Variants in NLGN1 observed in about 807,000 individuals in gnomAD.
The protein encoded by NLGN1 is neuroligin-1.
Under a neutral mutation model 65.5 loss-of-function variants are expected in NLGN1, and 12 were observed. The observed-to-expected ratio is 0.18, with a 90% CI of 0.12 to 0.30. The LOEUF is 0.30. Ranked by LOEUF, NLGN1 falls within the 10% of genes least tolerant of loss-of-function variation. NLGN1 has a pLI of 1.00. For missense variants in NLGN1, 750 were observed against 1,007.1 expected (o/e 0.74, Z 3.46); for synonymous variants, 350 against 359.5 (o/e 0.97, Z 0.30).
At chr3:174,078,585 G>A (rs767537470) in intron 4 of NLGN1, among the ~76,000 whole-genome samples, 1 of 152,020 alleles carries the variant, frequency 6.6e-6, no homozygotes, top group Non-Finnish European at 1.5e-5. Flanking sequence ...ACTCTTTGGG[G>A]TCACAAAGAC....
chr3:174,201,223 A>G (rs1236897331), intron 4 of NLGN1, among the ~76,000 whole-genome samples: 5 of 151,174 alleles, frequency 3.3e-5, no homozygotes, highest in Non-Finnish European at 7.4e-5. Flanking sequence ...AGCCTGAGCT[A>G]CAGAGTAAAA....
intron 4 of NLGN1, among the ~76,000 whole-genome samples, chr3:173,940,553 C>T (rs1027180515): frequency 3.3e-5 from 5 of 152,076 alleles, no homozygotes; most frequent in East Asian, 1.9e-4. Context: ...ATGTGTCATT[C>T]GGAAAAACTG....
intron 4 of NLGN1, among the ~76,000 whole-genome samples, chr3:173,885,787 T>G (rs779686721): frequency 1.6e-4 from 25 of 152,080 alleles, no homozygotes; most frequent in Non-Finnish European, 3.2e-4. Context: ...TATAAAAAAT[T>G]GAGACATCAT....
At chr3:174,180,419 A>G (rs896242856) in intron 4 of NLGN1, among the ~76,000 whole-genome samples, 6 of 152,178 alleles carry the variant, frequency 3.9e-5, no homozygotes, top group Non-Finnish European at 5.9e-5. Context: ...TTTGTTTTTG[A>G]GCTGTTTCTA....
intron 4 of NLGN1, among the ~76,000 whole-genome samples, chr3:173,935,434 G>T (rs1231184718): frequency 6.6e-6 from 1 of 151,814 alleles, no homozygotes; most frequent in Non-Finnish European, 1.5e-5. Flanking sequence ...TGAAAATATG[G>T]ACTTTTTTTT....
intron 4 of NLGN1, among the ~76,000 whole-genome samples, chr3:173,968,939 G>T (rs1474776444): frequency 6.6e-6 from 1 of 151,260 alleles, no homozygotes; most frequent in Non-Finnish European, 1.5e-5. Flanking sequence ...GACCTCAAAT[G>T]ATCCGCCCAC....
At chr3:173,795,707 G>C (rs917546006) in intron 3 of NLGN1, among the ~76,000 whole-genome samples, 4 of 151,898 alleles carry the variant, frequency 2.6e-5, no homozygotes, top group Admixed American at 2.6e-4. Flanking sequence ...ATTGAATTCT[G>C]GCATTGTTCT....
At chr3:173,776,772 A>G (rs918319554) in intron 3 of NLGN1, among the ~76,000 whole-genome samples, 1 of 152,008 alleles carries the variant, frequency 6.6e-6, no homozygotes, top group Non-Finnish European at 1.5e-5. Flanking sequence ...GTTAAACTAG[A>G]TGGAGATACC....
chr3:174,064,325 C>T (rs1163236627), intron 4 of NLGN1, among the ~76,000 whole-genome samples: 1 of 151,948 alleles, frequency 6.6e-6, no homozygotes, highest in Non-Finnish European at 1.5e-5. Flanking sequence ...TGAACAGGAA[C>T]TTGACAGGTG....
intron 4 of NLGN1, among the ~76,000 whole-genome samples, chr3:173,903,633 T>G (rs965362493): frequency 1.3e-5 from 2 of 152,136 alleles, no homozygotes; most frequent in African/African-American, 4.8e-5. Flanking sequence ...AGGCCAGGCC[T>G]ACATATCAAG....
At chr3:173,666,932 T>G (rs1577841439) in intron 3 of NLGN1, among the ~76,000 whole-genome samples, 1 of 152,218 alleles carries the variant, frequency 6.6e-6, no homozygotes, top group South Asian at 2.1e-4. Context: ...GTTAACATTT[T>G]ATTGTATATT....
At chr3:174,223,000 CTAATT>C (rs1738945038) in intron 4 of NLGN1, among the ~76,000 whole-genome samples, 1 of 152,062 alleles carries the variant, frequency 6.6e-6, no homozygotes, top group South Asian at 2.1e-4. Flanking sequence ...CTCACTTTAT[CTAATT>C]TATTTCCCTA....
At chr3:174,288,216 A>G (rs1752347541), downstream of NLGN1, among the ~76,000 whole-genome samples, 1 of 151,612 alleles carries the variant, frequency 6.6e-6, no homozygotes, top group African/African-American at 2.4e-5. Flanking sequence ...CTATTGAGCC[A>G]GTTCACCAGT....
chr3:173,602,069 T>TA (rs772728793), intron 2 of NLGN1, among the ~76,000 whole-genome samples: 5 of 152,170 alleles, frequency 3.3e-5, no homozygotes, highest in African/African-American at 1.2e-4. Flanking sequence ...GATCTGCTAC[T>TA]AATTAGCTAA....
At chr3:173,396,427 C>A (rs1256246433), upstream of NLGN1, 1 of 152,080 alleles carries the variant, frequency 6.6e-6, no homozygotes, top group Non-Finnish European at 1.5e-5. Context: ...ATGCAGGAAA[C>A]GTATATATGT....
chr3:173,553,333 G>A (rs1345903187), intron 2 of NLGN1, among the ~76,000 whole-genome samples: 1 of 152,122 alleles, frequency 6.6e-6, no homozygotes, highest in Non-Finnish European at 1.5e-5. Flanking sequence ...TATATGAAGG[G>A]TTGTCCACTA....
chr3:173,524,399 C>T (rs1735287939), intron 2 of NLGN1, among the ~76,000 whole-genome samples: 1 of 152,116 alleles, frequency 6.6e-6, no homozygotes, highest in Non-Finnish European at 1.5e-5. Context: ...GCTACTGATT[C>T]TTGTACATAG....
intron 4 of NLGN1, among the ~76,000 whole-genome samples, chr3:173,956,470 G>T (rs1430894390): frequency 1.3e-5 from 2 of 151,448 alleles, no homozygotes; most frequent in Admixed American, 6.6e-5. Flanking sequence ...AATATTATTT[G>T]TAGTTATTGC....
chr3:173,852,006 T>C (rs1350898261), intron 4 of NLGN1, among the ~76,000 whole-genome samples: 1 of 152,044 alleles, frequency 6.6e-6, no homozygotes, highest in African/African-American at 2.4e-5. Flanking sequence ...GCTTAAAACA[T>C]ACAATTTGAG....
Sources: gnomAD v4.1 joint callset for allele counts (sites outside exome capture counted in the v4.1 genomes callset) on GRCh38, gnomAD v4.1.1 for gene constraint, MANE v1.5 for transcripts, NCBI Gene and HGNC (gene_info 2026-07-23, HGNC 2026-07-21) for gene names.